TMC5: variants seen among roughly 807,000 people sequenced by gnomAD.
TMC5 encodes the protein transmembrane channel-like protein 5.
In TMC5, 86 loss-of-function variants were observed where a neutral mutation model predicts 110.5. That is an observed-to-expected ratio of 0.78 (90% CI 0.65 to 0.93). The LOEUF is 0.93. TMC5 is among the 40% of genes least tolerant of loss of function. TMC5 has a pLI of 0.00. For synonymous variants in TMC5, 455 were observed against 439.5 expected, an observed-to-expected ratio of 1.04 and a Z score of -0.44; for missense variants, 1,144 against 1,222.8, an observed-to-expected ratio of 0.94 and a Z score of 0.96.
chr16:19,455,023 T>C (rs1015328291), intron 5 of TMC5, among the ~76,000 whole-genome samples: 3 of 151,846 alleles, frequency 2.0e-5, no homozygotes, highest in Admixed American at 2.0e-4. Flanking sequence ...TGGTCCCAGA[T>C]ACTCAGGAGG....
chr16:19,486,626 T>TC (rs71143885), intron 15 of TMC5, among the ~76,000 whole-genome samples: 1 of 152,134 alleles, frequency 6.6e-6, no homozygotes, highest in South Asian at 2.1e-4. Context: ...ATTCACCCCC[T>TC]CTTGGCCTCC....
At chr16:19,476,323 G>A (rs1175863881) in intron 12 of TMC5, among the ~76,000 whole-genome samples, 2 of 152,000 alleles carry the variant, frequency 1.3e-5, no homozygotes, top group Non-Finnish European at 2.9e-5. Flanking sequence ...CTCCAGTTTG[G>A]GTAACAGAGT....
At chr16:19,490,711 TTTCCTTCCTTCCTTCCTTCCTTCC>T (rs150837460) in intron 18 of TMC5, 143 bp downstream of exon 18, 54 of 389,650 alleles carry the variant, frequency 1.4e-4, no homozygotes, top group African/African-American at 4.4e-4. Context: ...GGTAGTTTTC[TTTCCTTCCTTCCTTCCTTCCTTCC>T]TTCCTTCCTT....
rs34372092 is a variant in TMC5 at position 19,489,644 on chromosome 16, A to ATT, written c.2574-730_2574-729dup. Among the ~76,000 whole-genome samples, 22 of 129,304 alleles carry ATT rather than the reference A, an allele frequency of 1.7e-4. No individual in the cohort carries two copies. In the South Asian group the frequency reaches 2.5e-3, roughly 14 times the overall value. 84.8% of individuals were successfully genotyped at this position (129,304 alleles called of 152,430 possible). Reference sequence around the variant, plus strand: ...CCACCGCGCCTGGCATGCCTGGCTAATTTTTTTTTTTTTTTTTTTTTTAGA... The same window carrying ATT: ...CCACCGCGCCTGGCATGCCTGGCTAATTTTTTTTTTTTTTTTTTTTTTTTAGA... On this transcript the variant is annotated intron_variant, in intron 17 of 21. Transcript: ENST00000542583.
In TMC5 at chr16:19,490,586, G is replaced by A; in HGVS notation, c.2747+18G>A. 1 of 1,613,808 alleles carries A rather than the reference G, an allele frequency of 6.2e-7. No individual in the cohort carries two copies. The highest frequency in any genetic ancestry group is 8.5e-7 in the Non-Finnish European group (1 of 1,179,854). Reference sequence around the variant, plus strand: ...ATTGTGCTGTGAGTGTGGTACCCGGGGAATCTAGCAGGGAAAGCCAGGAGC... The same window carrying A: ...ATTGTGCTGTGAGTGTGGTACCCGGAGAATCTAGCAGGGAAAGCCAGGAGC... On this transcript the variant is annotated intron_variant, in intron 18 of 21. Coordinates refer to ENST00000542583, the MANE Select transcript of TMC5 (RefSeq NM_001261841.2).
intron 9 of TMC5, 33 bp from the exon 10 acceptor site, chr16:19,469,648 A>G: frequency 6.2e-6 from 10 of 1,612,580 alleles, no homozygotes; most frequent in Non-Finnish European, 8.5e-6. Context: ...GGCCATAATA[A>G]CCTTCAGGTG....
chr16:19,492,050 C>A, intron 18 of TMC5, 100 bp from the exon 19 acceptor site: 2 of 919,902 alleles, frequency 2.2e-6, no homozygotes, highest in Non-Finnish European at 3.5e-6. Context: ...TGGGCCAAAT[C>A]CATCTGCAAG....
At chr16:19,459,824 G>C (rs1393340065) in intron 5 of TMC5, among the ~76,000 whole-genome samples, 1 of 150,578 alleles carries the variant, frequency 6.6e-6, no homozygotes, top group Non-Finnish European at 1.5e-5. Flanking sequence ...AGGCTGAGGT[G>C]GGAGGATCGC....
At chr16:19,422,218 T>C (rs569272116) in intron 1 of TMC5, among the ~76,000 whole-genome samples, 15 of 143,896 alleles carry the variant, frequency 1.0e-4, no homozygotes, top group African/African-American at 3.9e-4. Flanking sequence ...GCAACAGAGC[T>C]AGACTCCATT....
intron 14 of TMC5, 83 bp downstream of exon 14, chr16:19,479,611 C>T (rs1199060645): frequency 2.1e-6 from 2 of 945,614 alleles, no homozygotes; most frequent in African/African-American, 1.6e-5. Flanking sequence ...CATACAGGTG[C>T]CTGACATACT....
rs1281414883 is a variant in TMC5 at position 19,472,124 on chromosome 16, T to C, written c.1819T>C (p.Leu607=). ...LSELRQENSK[L]TFNQLLTRFS... Reference sequence around the variant, plus strand: ...AGAGCTCCGTCAGGAGAATTCCAAGTTGACGTTCAATCAGCTGCTGACCCG... The same window carrying C: ...AGAGCTCCGTCAGGAGAATTCCAAGCTGACGTTCAATCAGCTGCTGACCCG... The change falls in exon 11 of 22, where the codon TTG becomes CTG. Residue 607 remains leucine (L), a synonymous_variant. Coordinates refer to ENST00000542583, the MANE Select transcript of TMC5 (RefSeq NM_001261841.2). 1.1e-5 allele frequency: 18 copies of C among 1,614,054 alleles called. No individual in the cohort carries two copies. The highest frequency in any genetic ancestry group is 1.4e-5 in the Non-Finnish European group (17 of 1,180,008).
chr16:19,419,762 G>A (rs990065958), intron 1 of TMC5, among the ~76,000 whole-genome samples: 1 of 152,098 alleles, frequency 6.6e-6, no homozygotes, highest in Non-Finnish European at 1.5e-5. Context: ...AAAAGGTCCT[G>A]TCCCCAGAAG....
chr16:19,469,653 C>T (rs998612484), intron 9 of TMC5, 28 bp from the exon 10 acceptor site: 2 of 1,613,136 alleles, frequency 1.2e-6, no homozygotes, highest in Non-Finnish European at 1.7e-6. Flanking sequence ...TAATAACCTT[C>T]AGGTGTTCTG....
chr16:19,452,328 C>T (rs75464028), intron 5 of TMC5, among the ~76,000 whole-genome samples: 10,732 of 152,240 alleles, frequency 0.07, 769 homozygotes, highest in African/African-American at 0.19. Context: ...GGAACCTCCC[C>T]GTCTTCAGCT....
intron 2 of TMC5, among the ~76,000 whole-genome samples, chr16:19,437,639 T>C (rs1429511431): frequency 6.6e-6 from 1 of 152,200 alleles, no homozygotes; most frequent in Non-Finnish European, 1.5e-5. Flanking sequence ...TACTTCCTTA[T>C]TTCAAAAATA....
intron 15 of TMC5, among the ~76,000 whole-genome samples, chr16:19,484,750 C>T (rs561082855): frequency 1.4e-5 from 2 of 145,642 alleles, no homozygotes; most frequent in African/African-American, 2.6e-5. Context: ...GGAGATAGAA[C>T]GACACTCCGT....
chr16:19,440,836 G>GAT lies in TMC5; in HGVS notation c.788+17_788+18dup. On this transcript the variant is annotated intron_variant, in intron 3 of 21. Transcript: ENST00000542583. ...CAAAGATGACCAGGGGGTAAGTTCA[G>GAT]ATATATATCCCTTCACTGGGAGTGG... 6.2e-7 allele frequency: 1 copy of GAT among 1,606,328 alleles called. No homozygotes were observed. The highest frequency in any genetic ancestry group is 8.5e-7 in the Non-Finnish European group (1 of 1,176,210).
chr16:19,478,599 G>GATCC (rs1457230706), intron 13 of TMC5, among the ~76,000 whole-genome samples: 3 of 151,136 alleles, frequency 2.0e-5, no homozygotes, highest in African/African-American at 7.3e-5. Flanking sequence ...TCCATGTATG[G>GATCC]ATCCATCCAT....
chr16:19,430,860 A>ATTTTTTT (rs3049240), intron 2 of TMC5, among the ~76,000 whole-genome samples: 3 of 131,272 alleles, frequency 2.3e-5, no homozygotes, highest in Non-Finnish European at 4.7e-5. Context: ...AATAAAAACA[A>ATTTTTTT]TTTTTTTTTT....
Sources: allele counts gnomAD v4.1 joint callset (sites outside exome capture counted in the v4.1 genomes callset), GRCh38; gene constraint gnomAD v4.1.1; transcripts MANE v1.5; gene names NCBI Gene and HGNC (gene_info 2026-07-23, HGNC 2026-07-21).